APBB1IP: variants seen among roughly 807,000 people sequenced by gnomAD.
APBB1IP encodes amyloid beta A4 precursor protein-binding family B member 1-interacting protein.
A neutral mutation model predicts 64.9 loss-of-function variants in APBB1IP; 27 were observed. The ratio of observed to expected loss-of-function variants is 0.42; its 90% CI spans 0.31 to 0.57. The LOEUF (loss-of-function observed/expected upper bound fraction) is 0.57, where lower values mean the gene tolerates loss of function less well. Among genes scored for constraint, APBB1IP ranks in the 20% least tolerant of loss-of-function variants. The pLI, the probability that APBB1IP is intolerant of heterozygous loss-of-function variation, is 0.20. For missense variants in APBB1IP, 812 were observed against 845.5 expected (o/e 0.96, Z 0.49); for synonymous variants, 392 against 331.0 (o/e 1.18, Z -2.00).
intron 10 of APBB1IP, among the ~76,000 whole-genome samples, chr10:26,537,593 T>TA (rs1836641432): frequency 1.3e-5 from 2 of 152,298 alleles, no homozygotes; most frequent in South Asian, 4.1e-4. Context: ...ACGGTGCATA[T>TA]AAATAAACAT....
chr10:26,443,149 TG>T (rs1835354247), intron 2 of APBB1IP, among the ~76,000 whole-genome samples: 1 of 152,120 alleles, frequency 6.6e-6, no homozygotes, highest in African/African-American at 2.4e-5. Flanking sequence ...TGGCCGGGCG[TG>T]GTGGCTCACA....
chr10:26,560,218 G>A lies in APBB1IP; in HGVS notation c.1254+15G>A, dbSNP rs371081231. Reference sequence around the variant, plus strand: ...GGATAGCCAAGGTGAGAGAGCGTTCGGACTTCACCCTGTCTTGAACTTGCC... The same window carrying A: ...GGATAGCCAAGGTGAGAGAGCGTTCAGACTTCACCCTGTCTTGAACTTGCC... On this transcript the variant is annotated intron_variant, in intron 12 of 14. Coordinates refer to ENST00000376236, the MANE Select transcript of APBB1IP (RefSeq NM_019043.4). 60 of 1,610,212 alleles carry A rather than the reference G, an allele frequency of 3.7e-5. No individual in the cohort carries two copies. In the African/African-American group the frequency reaches 6.3e-4, roughly 17 times the overall value.
intron 2 of APBB1IP, among the ~76,000 whole-genome samples, chr10:26,486,260 C>T (rs148755080): frequency 4.6e-4 from 70 of 152,074 alleles, no homozygotes; most frequent in Non-Finnish European, 7.8e-4. Context: ...TTTGCAGCAA[C>T]GGTGGTGGTG....
chr10:26,445,852 G>A (rs1835392051), intron 2 of APBB1IP, among the ~76,000 whole-genome samples: 1 of 152,158 alleles, frequency 6.6e-6, no homozygotes, highest in South Asian at 2.1e-4. Context: ...TTGGAGAGCT[G>A]AAAGTGGTTA....
At chr10:26,474,580 A>G (rs1468511600) in intron 2 of APBB1IP, among the ~76,000 whole-genome samples, 1 of 152,260 alleles carries the variant, frequency 6.6e-6, no homozygotes, top group Non-Finnish European at 1.5e-5. Context: ...ACATACTTCA[A>G]AACATCCTGT....
chr10:26,494,182 C>A (rs1835991957), intron 3 of APBB1IP, among the ~76,000 whole-genome samples: 1 of 152,134 alleles, frequency 6.6e-6, no homozygotes, highest in African/African-American at 2.4e-5. Flanking sequence ...AATGTGAAAA[C>A]CACTCAACCA....
chr10:26,498,706 A>T (rs917785563), intron 4 of APBB1IP, among the ~76,000 whole-genome samples: 6 of 152,198 alleles, frequency 3.9e-5, no homozygotes, highest in Admixed American at 1.3e-4. Flanking sequence ...TCTAAGCACT[A>T]ACTCAGTGCC....
chr10:26,475,780 G>C (rs1357198842), intron 2 of APBB1IP, among the ~76,000 whole-genome samples: 1 of 152,144 alleles, frequency 6.6e-6, no homozygotes, highest in African/African-American at 2.4e-5. Context: ...CCTTTGCATA[G>C]TCTTTCCCTG....
chr10:26,500,706 C>A, intron 4 of APBB1IP, 113 bp from the exon 5 acceptor site: 2 of 1,004,024 alleles, frequency 2.0e-6, no homozygotes, highest in Non-Finnish European at 2.9e-6. Context: ...ATATCATAAC[C>A]AATCAAGATA....
intron 7 of APBB1IP, 138 bp downstream of exon 7, chr10:26,512,044 G>A: frequency 2.1e-5 from 23 of 1,071,638 alleles, no homozygotes; most frequent in Non-Finnish European, 2.9e-5. Context: ...TGCCCAGGCT[G>A]ATCTCAAAAT....
intron 2 of APBB1IP, among the ~76,000 whole-genome samples, chr10:26,481,745 C>A (rs532563578): frequency 6.6e-6 from 1 of 152,014 alleles, no homozygotes; most frequent in Non-Finnish European, 1.5e-5. Context: ...ACCTCTGCCT[C>A]CCAAAGTGCT....
At chr10:26,523,416 A>C (rs1796870169) in intron 8 of APBB1IP, among the ~76,000 whole-genome samples, 1 of 152,202 alleles carries the variant, frequency 6.6e-6, no homozygotes, top group South Asian at 2.1e-4. Context: ...CTTTCTCTGC[A>C]CTGGTGTTTC....
intron 11 of APBB1IP, among the ~76,000 whole-genome samples, chr10:26,559,191 G>A (rs1456604324): frequency 2.6e-5 from 4 of 152,106 alleles, no homozygotes; most frequent in African/African-American, 7.2e-5. Context: ...TTTCTCATGG[G>A]GATAGAGACA....
intron 6 of APBB1IP, 43 bp from the exon 7 acceptor site, chr10:26,511,704 C>G: frequency 6.2e-7 from 1 of 1,605,308 alleles, no homozygotes; most frequent in Non-Finnish European, 8.5e-7. Flanking sequence ...TAGCCTTCTC[C>G]AGTTGCTGAA....
At chr10:26,539,916 A>G (rs1047513664) in intron 10 of APBB1IP, among the ~76,000 whole-genome samples, 1 of 152,204 alleles carries the variant, frequency 6.6e-6, no homozygotes, top group Non-Finnish European at 1.5e-5. Context: ...AAAATAAACA[A>G]TATAGATAAT....
intron 11 of APBB1IP, among the ~76,000 whole-genome samples, chr10:26,559,388 A>C (rs1266959224): frequency 1.3e-5 from 2 of 148,542 alleles, no homozygotes; most frequent in African/African-American, 5.0e-5. Context: ...ATATAGTGAG[A>C]CTCCAATTCT....
intron 6 of APBB1IP, among the ~76,000 whole-genome samples, chr10:26,507,588 A>G (rs1836198686): frequency 6.6e-6 from 1 of 152,184 alleles, no homozygotes; most frequent in Non-Finnish European, 1.5e-5. Flanking sequence ...ACAAAATCTC[A>G]CACATGGATA....
At chr10:26,481,337 T>G (rs1234489192) in intron 2 of APBB1IP, among the ~76,000 whole-genome samples, 1 of 152,138 alleles carries the variant, frequency 6.6e-6, no homozygotes, top group Non-Finnish European at 1.5e-5. Flanking sequence ...TGTCCCCACC[T>G]TGTCCCACCC....
At chr10:26,503,876 G>C (rs1836137458) in intron 6 of APBB1IP, among the ~76,000 whole-genome samples, 1 of 152,308 alleles carries the variant, frequency 6.6e-6, no homozygotes, top group African/African-American at 2.4e-5. Context: ...GAGCTGGAAT[G>C]ATGGGAGTAG....
Sources: allele counts gnomAD v4.1 joint callset (sites outside exome capture counted in the v4.1 genomes callset), GRCh38; gene constraint gnomAD v4.1.1; transcripts MANE v1.5; gene names NCBI Gene and HGNC (gene_info 2026-07-23, HGNC 2026-07-21).